The following CACNA1I variants were observed in gnomAD, a reference collection of about 807,000 sequenced individuals.
CACNA1I encodes voltage-dependent T-type calcium channel subunit alpha-1I.
CACNA1I carries 74 observed loss-of-function variants against 201.6 expected under a neutral mutation model. The observed-to-expected ratio is 0.37, with a 90% CI of 0.30 to 0.45. The LOEUF (loss-of-function observed/expected upper bound fraction) is 0.45, where lower values mean the gene tolerates loss of function less well. CACNA1I is among the 20% of genes least tolerant of loss of function. CACNA1I has a pLI of 1.00. For missense variants in CACNA1I, 2,346 were observed against 3,138.1 expected (o/e 0.75, Z 6.03); for synonymous variants, 1,431 against 1,345.2 (o/e 1.06, Z -1.40).
intron 7 of CACNA1I, among the ~76,000 whole-genome samples, chr22:39,646,365 T>C (rs1163789381): frequency 6.6e-6 from 1 of 152,050 alleles, no homozygotes; most frequent in Non-Finnish European, 1.5e-5. Context: ...TGCTCTGGCC[T>C]CTGTGTCTCC....
At chr22:39,644,921 C>G (rs922492423) in intron 7 of CACNA1I, among the ~76,000 whole-genome samples, 2 of 152,020 alleles carry the variant, frequency 1.3e-5, no homozygotes, top group South Asian at 4.2e-4. Context: ...CTCCTGGACT[C>G]AAGTGATCCT....
chr22:39,604,309 G>A (rs1224928458), intron 3 of CACNA1I, among the ~76,000 whole-genome samples: 1 of 152,114 alleles, frequency 6.6e-6, no homozygotes, highest in Non-Finnish European at 1.5e-5. Context: ...CTTCAGCATT[G>A]TGGTGAGCTC....
Position 39,687,430 on chromosome 22 carries a change from C to T in CACNA1I, c.*1025C>T, listed in dbSNP as rs1456306431. 6.6e-6 allele frequency: 1 copy of T among 152,152 alleles called. No individual in the cohort carries two copies. The highest frequency in any genetic ancestry group is 2.4e-5 in the African/African-American group (1 of 41,364). The allele number at this position is 152,152 out of a possible 1,614,324, so 9.4% of individuals were successfully genotyped here. On this transcript the variant is annotated 3_prime_UTR_variant, in exon 37 of 37. Coordinates refer to ENST00000402142, the MANE Select transcript of CACNA1I (RefSeq NM_021096.4). The stretch of plus-strand genomic sequence containing the variant: ...TTGTTCAGCCACTAATGCCTTTTAT[C>T]CCCCATATGGGCGCTGAGCTGTGGC...
At chr22:39,682,259 G>T (rs1935726967) in intron 34 of CACNA1I, among the ~76,000 whole-genome samples, 1 of 152,208 alleles carries the variant, frequency 6.6e-6, no homozygotes, top group Non-Finnish European at 1.5e-5. Context: ...TTCTTCGCTG[G>T]GCCAGGGTCT....
chr22:39,590,027 CAGA>C (rs1569050163), intron 1 of CACNA1I, among the ~76,000 whole-genome samples: 2 of 152,128 alleles, frequency 1.3e-5, no homozygotes, highest in African/African-American at 4.8e-5. Flanking sequence ...CCTGGGCCTG[CAGA>C]AGGAGGGTGG....
At chr22:39,654,410 G>T (rs75934661) in intron 10 of CACNA1I, among the ~76,000 whole-genome samples, 1 of 152,174 alleles carries the variant, frequency 6.6e-6, no homozygotes, top group African/African-American at 2.4e-5. Context: ...GGGTTGGGGC[G>T]CATGGGCAGC....
intron 28 of CACNA1I, among the ~76,000 whole-genome samples, chr22:39,673,499 C>T (rs962329616): frequency 2.0e-5 from 3 of 152,228 alleles, no homozygotes; most frequent in African/African-American, 7.2e-5. Flanking sequence ...TCTCCCTCCC[C>T]TCAAGGTAGT....
chr22:39,647,976 T>C (rs1934542099), intron 9 of CACNA1I, 50 bp downstream of exon 9: 1 of 1,493,826 alleles, frequency 6.7e-7, no homozygotes, highest in African/African-American at 1.4e-5. Context: ...CCAATACCAC[T>C]TCTCCCAGTT....
At chr22:39,588,988 G>A (rs1277896649) in intron 1 of CACNA1I, among the ~76,000 whole-genome samples, 1 of 152,208 alleles carries the variant, frequency 6.6e-6, no homozygotes, top group African/African-American at 2.4e-5. Flanking sequence ...GGCTTCTCAT[G>A]CATGGCACTG....
chr22:39,587,217 A>G (rs1932764018), intron 1 of CACNA1I, among the ~76,000 whole-genome samples: 3 of 152,176 alleles, frequency 2.0e-5, no homozygotes, highest in African/African-American at 7.2e-5. Flanking sequence ...GAGTTCTTAT[A>G]CAACGGGGAT....
At position 39,662,689 on chromosome 22, in the gene CACNA1I, G is replaced by A. The variant is rs187961527; in HGVS notation, c.3373-87G>A. 6.9e-5 allele frequency: 68 copies of A among 989,838 alleles called. No homozygotes were observed. The African/African-American group carries it at 9.1e-4, about 13-fold the overall frequency. The allele number at this position is 989,838 out of a possible 1,614,324, so 61.3% of individuals were successfully genotyped here. A position where few individuals can be genotyped will look rare whatever the true frequency, so the allele number is the denominator to read the frequency against. On this transcript the variant is annotated intron_variant, in intron 17 of 36. Coordinates refer to ENST00000402142, the MANE Select transcript of CACNA1I (RefSeq NM_021096.4). ...GCAGAGAGTTCGGAGGTGACCCTGC[G>A]ACCCCAGTTGGCGCGATGGCCGCAT...
At position 39,660,453 on chromosome 22, in the gene CACNA1I, C is replaced by T. The variant is rs1420978063; in HGVS notation, c.2698+16C>T. The T allele has an allele frequency of 6.3e-7, 1 of 1,588,234 alleles. No individual in the cohort carries two copies. Among genetic ancestry groups the T allele is most frequent in the East Asian group, 2.2e-5 (1 of 44,554 alleles). On this transcript the variant is annotated intron_variant, in intron 15 of 36. Transcript: ENST00000402142. The stretch of plus-strand genomic sequence containing the variant: ...AGCAGCGGAGGTAAACAGGCCCTCG[C>T]TTGTCACCTAGAGAGCCCAGAGCCT...
Position 39,685,618 on chromosome 22 carries a change from C to T in CACNA1I, c.6028-143C>T, listed in dbSNP as rs922130314. The T allele has an allele frequency of 3.0e-6, 2 of 664,406 alleles. No homozygotes were observed. The highest frequency in any genetic ancestry group is 3.5e-5 in the East Asian group (1 of 28,644). 41.2% of individuals were successfully genotyped at this position (664,406 alleles called of 1,614,324 possible). A position where few individuals can be genotyped will look rare whatever the true frequency, so the allele number is the denominator to read the frequency against. ...CTGCGGTGACGCCGCCTAAGCTGGA[C>T]GTGCGGAGGGGAGAAGCCCTGCTCC... On this transcript the variant is annotated intron_variant, in intron 36 of 36. Coordinates refer to ENST00000402142, the MANE Select transcript of CACNA1I (RefSeq NM_021096.4). This position sits in a 1 kb window ranked among gnomAD's most constrained non-coding sequence, Gnocchi z 5.0.
chr22:39,592,498 T>C (rs1932834288), intron 1 of CACNA1I, among the ~76,000 whole-genome samples: 1 of 152,200 alleles, frequency 6.6e-6, no homozygotes, highest in South Asian at 2.1e-4. Context: ...CTAACGACGC[T>C]GGCAGGGCTG....
Position 39,670,846 on chromosome 22 carries a change from G to T in CACNA1I, c.4431G>T (p.Arg1477=), listed in dbSNP as rs947892872. The T allele has an allele frequency of 1.2e-6, 2 of 1,613,730 alleles. No individual in the cohort carries two copies. The highest frequency in any genetic ancestry group is 2.7e-5 in the African/African-American group (2 of 74,868). ...LPYYATYCHT[R]LLIHSMCTSH... ...ACTATGCCACCTATTGTCACACCCG[G>T]CTGCTCATCCACTCCATGTGCACCA... Residue 1477 remains arginine (R), a synonymous_variant, in exon 26 of 37, where the codon CGG becomes CGT. Coordinates refer to ENST00000402142, the MANE Select transcript of CACNA1I (RefSeq NM_021096.4).
At chr22:39,669,995 A>C in intron 24 of CACNA1I, 43 bp from the exon 25 acceptor site, 1 of 1,603,746 alleles carries the variant, frequency 6.2e-7, no homozygotes, top group Non-Finnish European at 8.5e-7. Flanking sequence ...ATGGCCCTGT[A>C]GGGCCCAATC....
chr22:39,613,964 A>G (rs1933458621), intron 3 of CACNA1I, among the ~76,000 whole-genome samples: 1 of 152,130 alleles, frequency 6.6e-6, no homozygotes, highest in Non-Finnish European at 1.5e-5. Context: ...CAGCCTCTTG[A>G]GTAGCTGGGA....
At chr22:39,632,582 G>A (rs1187137612) in intron 4 of CACNA1I, among the ~76,000 whole-genome samples, 1 of 151,916 alleles carries the variant, frequency 6.6e-6, no homozygotes, top group African/African-American at 2.4e-5. Flanking sequence ...CTCTGTGTGT[G>A]TGTGGGGGGA....
chr22:39,649,710 G>A lies in CACNA1I; in HGVS notation c.1777G>A (p.Gly593Arg), dbSNP rs755606094. 61 of 1,527,316 alleles carry A rather than the reference G, an allele frequency of 4.0e-5. No homozygotes were observed. The highest frequency in any genetic ancestry group is 5.3e-5 in the Non-Finnish European group (60 of 1,134,892). The allele number at this position is 1,527,316 out of a possible 1,614,324, so 94.6% of individuals were successfully genotyped here. The change falls in exon 10 of 37, where the codon GGG (glycine) becomes AGG (arginine). Residue 593 changes from glycine to arginine, a missense_variant. Physicochemically the swap from Gly to Arg is moderately radical, Grantham distance 125. This residue lies in a region of CACNA1I where 312 missense variants were observed against 331.5 expected (regional missense o/e 0.94). Transcript: ENST00000402142. The surrounding 1 kb of genome is among the most constrained non-coding windows in gnomAD (Gnocchi z 7.3). ...AGGEDEADGDGARSSEDGASS... is the reference protein window; with the variant it reads ...AGGEDEADGDRARSSEDGASS... ...TGGCGAGGACGAGGCGGATGGGGAC[G>A]GGGCCCGGAGCAGCGAGGACGGAGC...
Sources: allele counts gnomAD v4.1 joint callset (sites outside exome capture counted in the v4.1 genomes callset), GRCh38; gene constraint gnomAD v4.1.1; regional missense constraint gnomAD v4.1.1; non-coding constraint Gnocchi (gnomAD v3.1); transcripts MANE v1.5; gene names NCBI Gene and HGNC (gene_info 2026-07-23, HGNC 2026-07-21).